SNX25: variants seen among roughly 807,000 people sequenced by gnomAD.
SNX25 encodes the protein sorting nexin 25.
Under a neutral mutation model 113.7 loss-of-function variants are expected in SNX25, and 62 were observed. The observed-to-expected ratio is 0.55, with a 90% CI of 0.44 to 0.67. The LOEUF is 0.67. SNX25 is among the 30% of genes least tolerant of loss of function. The pLI, the probability that SNX25 is intolerant of heterozygous loss-of-function variation, is 0.00. For missense variants in SNX25, 1,014 were observed against 1,161.0 expected (o/e 0.87, Z 1.84); for synonymous variants, 421 against 436.2 (o/e 0.97, Z 0.43).
intron 7 of SNX25, among the ~76,000 whole-genome samples, chr4:185,320,377 C>T (rs1287570855): frequency 6.6e-6 from 1 of 152,020 alleles, no homozygotes; most frequent in Non-Finnish European, 1.5e-5. Flanking sequence ...AACACAGGAA[C>T]AGAAAACCAA....
At chr4:185,308,059 C>T (rs1383997845) in intron 6 of SNX25, among the ~76,000 whole-genome samples, 4 of 152,186 alleles carry the variant, frequency 2.6e-5, no homozygotes, top group Non-Finnish European at 4.4e-5. Flanking sequence ...ACGCCGGGCC[C>T]ACACCTCTCT....
intron 5 of SNX25, 61 bp downstream of exon 5, chr4:185,267,216 G>A (rs1235682289): frequency 9.0e-5 from 127 of 1,415,170 alleles, no homozygotes; most frequent in Non-Finnish European, 1.0e-4. Context: ...TGCCTAGTTA[G>A]GTTAAAAAAA....
intron 6 of SNX25, among the ~76,000 whole-genome samples, chr4:185,308,587 C>G (rs1288568): frequency 0.6 from 90,471 of 152,038 alleles, 27,414 homozygotes; most frequent in East Asian, 0.76. Context: ...GCAAAATGTA[C>G]CATTTGAGAG....
intron 14 of SNX25, among the ~76,000 whole-genome samples, chr4:185,351,912 G>T (rs969892960): frequency 4.0e-5 from 6 of 148,642 alleles, no homozygotes; most frequent in South Asian, 2.1e-4. Flanking sequence ...ATTGCGGGGT[G>T]GGGGGGTTCA....
chr4:185,312,067 TTCC>T (rs1364946966), intron 7 of SNX25, among the ~76,000 whole-genome samples: 4 of 152,224 alleles, frequency 2.6e-5, no homozygotes, highest in African/African-American at 4.8e-5. Flanking sequence ...TATTGCCCCC[TTCC>T]TCCTCCTCAT....
At chr4:185,359,341 CA>C (rs889181456) in intron 16 of SNX25, among the ~76,000 whole-genome samples, 193 of 140,578 alleles carry the variant, frequency 1.4e-3, no homozygotes, top group Admixed American at 1.3e-3. Flanking sequence ...GACCCTTTCT[CA>C]AAAAAAAAAA....
At chr4:185,266,000 T>C (rs1333748779) in intron 4 of SNX25, among the ~76,000 whole-genome samples, 1 of 152,214 alleles carries the variant, frequency 6.6e-6, no homozygotes, top group Non-Finnish European at 1.5e-5. Context: ...AGAAAAAAGT[T>C]AACTATATCC....
At chr4:185,247,240 T>TA (rs1427003369) in intron 1 of SNX25, 54 bp from the exon 2 acceptor site, 34 of 1,196,946 alleles carry the variant, frequency 2.8e-5, no homozygotes, top group Non-Finnish European at 3.8e-5. Flanking sequence ...TTTTTTTTTT[T>TA]ATGTGATTTA....
At position 185,209,893 on chromosome 4, in the gene SNX25, G is replaced by C. The variant is rs1180437935; in HGVS notation, c.67G>C (p.Gly23Arg). The C allele has an allele frequency of 4.1e-6, 4 of 983,222 alleles. No homozygotes were observed. The highest frequency in any genetic ancestry group is 4.8e-6 in the Non-Finnish European group (4 of 829,226). The allele number at this position is 983,222 out of a possible 1,614,324, so 60.9% of individuals were successfully genotyped here. A position where few individuals can be genotyped will look rare whatever the true frequency, so the allele number is the denominator to read the frequency against. ...CCCCGCGCGGGCCGCAGGCGCCGGCGGCCGTCCTGTCTCGGGCTTCAGGGG... is the reference window on the plus strand; with the variant it reads ...CCCCGCGCGGGCCGCAGGCGCCGGCCGCCGTCCTGTCTCGGGCTTCAGGGG... ...PSPARAAGAG[G>R]RPVSGFRGER... The change falls in exon 1 of 19, where the codon GGC becomes CGC. Residue 23 changes from glycine (G) to arginine (R), a missense_variant. Coordinates refer to ENST00000652585, the MANE Select transcript of SNX25 (RefSeq NM_001378034.2). The surrounding 1 kb of genome is among the most constrained non-coding windows in gnomAD (Gnocchi z 5.2).
At chr4:185,280,381 TA>T (rs1290089620) in intron 5 of SNX25, among the ~76,000 whole-genome samples, 2 of 152,190 alleles carry the variant, frequency 1.3e-5, no homozygotes, top group Admixed American at 6.5e-5. Context: ...TATAAATTAA[TA>T]AAAAACACTC....
chr4:185,318,317 A>G (rs1259691741), intron 7 of SNX25, among the ~76,000 whole-genome samples: 5 of 152,214 alleles, frequency 3.3e-5, no homozygotes, highest in Admixed American at 6.5e-5. Flanking sequence ...AATTCCTCCT[A>G]AATTAATGTG....
rs529812603 is a variant in SNX25, at chr4:185,346,700, G to T, written c.2301+50G>T. 4.4e-5 allele frequency: 52 copies of T among 1,188,422 alleles called. 1 individual carries two copies. The South Asian group carries it at 7.4e-4, about 17-fold the overall frequency. 73.6% of individuals were successfully genotyped at this position (1,188,422 alleles called of 1,614,324 possible). A position where few individuals can be genotyped will look rare whatever the true frequency, so the allele number is the denominator to read the frequency against. On this transcript the variant is annotated intron_variant, in intron 13 of 18. Coordinates refer to ENST00000652585, the MANE Select transcript of SNX25 (RefSeq NM_001378034.2). ...ATGAGAGAAAAAATTAGTTATTTAG[G>T]GTTAAACTGTCATCATTCTACGAGC...
upstream of SNX25, chr4:185,209,551 C>T (rs1174080719): frequency 5.1e-6 from 1 of 197,270 alleles, no homozygotes; most frequent in Non-Finnish European, 9.1e-6. This position sits in a 1 kb window ranked among gnomAD's most constrained non-coding sequence, Gnocchi z 5.2. Context: ...GCCCGACACG[C>T]ACTTCAGGGC....
In SNX25 at chr4:185,266,949, ATTTC is replaced by A. The variant is rs1560951097; in HGVS notation, c.905-17_905-14del. ...AAGAAGAATACCTTTCTCAGTGGCT[ATTTC>A]TTCTTCTTCCTGTAGTCTTGAAGCC... On this transcript the variant is annotated splice_polypyrimidine_tract_variant and intron_variant, in intron 4 of 18. Coordinates refer to ENST00000652585, the MANE Select transcript of SNX25 (RefSeq NM_001378034.2). 1 of 1,601,670 alleles carries A rather than the reference ATTTC, an allele frequency of 6.2e-7. No individual in the cohort carries two copies. Among genetic ancestry groups the A allele is most frequent in the Non-Finnish European group, 8.5e-7 (1 of 1,173,990 alleles).
downstream of SNX25, chr4:185,370,733 G>A: frequency 6.2e-7 from 1 of 1,614,112 alleles, no homozygotes; most frequent in Admixed American, 1.7e-5. Flanking sequence ...CCATTGCCAT[G>A]CCTCTGCCGA....
chr4:185,270,160 C>T (rs368628389), intron 5 of SNX25, among the ~76,000 whole-genome samples: 12 of 151,524 alleles, frequency 7.9e-5, no homozygotes, highest in Non-Finnish European at 1.5e-4. Context: ...AAGACCAGCC[C>T]GGGGAACATG....
chr4:185,221,646 ATGTT>A (rs1375226135), intron 1 of SNX25, among the ~76,000 whole-genome samples: 2 of 152,058 alleles, frequency 1.3e-5, no homozygotes. Context: ...CTTCAGCAGC[ATGTT>A]TGTTTAAAAT....
At chr4:185,212,703 G>A (rs1406401289) in intron 1 of SNX25, among the ~76,000 whole-genome samples, 1 of 152,158 alleles carries the variant, frequency 6.6e-6, no homozygotes, top group Non-Finnish European at 1.5e-5. Flanking sequence ...GCAGAAGCAT[G>A]TGGTGTAGTA....
chr4:185,218,151 C>A (rs1174236079), intron 1 of SNX25, among the ~76,000 whole-genome samples: 1 of 152,210 alleles, frequency 6.6e-6, no homozygotes, highest in Non-Finnish European at 1.5e-5. Flanking sequence ...GTGGCACAAT[C>A]CTGGCTCACT....
Sources: gnomAD v4.1 joint callset for allele counts (sites outside exome capture counted in the v4.1 genomes callset) on GRCh38, gnomAD v4.1.1 for gene constraint, Gnocchi (gnomAD v3.1) non-coding constraint, MANE v1.5 for transcripts, NCBI Gene and HGNC (gene_info 2026-07-23, HGNC 2026-07-21) for gene names.